The following ABHD18 variants were observed in gnomAD, a reference collection of about 807,000 sequenced individuals.
The protein encoded by ABHD18 is abhydrolase domain containing 18.
A neutral mutation model predicts 65.9 loss-of-function variants in ABHD18; 55 were observed. The ratio of observed to expected loss-of-function variants is 0.84; its 90% CI spans 0.67 to 1.05. ABHD18 has a LOEUF of 1.05. ABHD18 is among the 50% of genes least tolerant of loss of function. ABHD18 has a pLI of 0.00. For synonymous variants in ABHD18, 181 were observed against 180.2 expected, an observed-to-expected ratio of 1.00 and a Z score of -0.04; for missense variants, 533 against 558.5, an observed-to-expected ratio of 0.95 and a Z score of 0.46.
At chr4:128,028,450 G>T in intron 10 of ABHD18, 25 bp from the exon 11 acceptor site, 8 of 1,415,570 alleles carry the variant, frequency 5.7e-6, no homozygotes, top group South Asian at 3.4e-5. Flanking sequence ...ATTAAATAAT[G>T]TTTTCTTTCC....
At position 127,966,702 on chromosome 4, in the gene ABHD18, CAAAAAAAAAAAAAAAAAAAAAAAAAAA is replaced by C. The variant is rs70966065; in HGVS notation, c.-18+1106_-18+1132del. ...TGAAACCCCGTCTCTACTAAAAATA[CAAAAAAAAAAAAAAAAAAAAAAAAAAA>C]AAAAAAAAAGCCGGGCGTGGTGGCG... On this transcript the variant is annotated intron_variant, in intron 1 of 12. Transcript: ENST00000645843. 9.7e-4 allele frequency among the ~76,000 whole-genome samples: 21 copies of C among 21,540 alleles called. 1 individual carries two copies. The highest frequency in any genetic ancestry group is 3.7e-3 in the African/African-American group (21 of 5,640). 14.1% of individuals were successfully genotyped at this position (21,540 alleles called of 152,430 possible). A position where few individuals can be genotyped will look rare whatever the true frequency, so the allele number is the denominator to read the frequency against.
Position 127,976,540 on chromosome 4 carries a change from A to G in ABHD18, c.-17-6399A>G, listed in dbSNP as rs76880266. On this transcript the variant is annotated intron_variant, in intron 1 of 12. Transcript: ENST00000645843. The stretch of plus-strand genomic sequence containing the variant: ...TTTTGCCTCTTGTCCTACAAGGCCT[A>G]TCATATATACTGTTCAGCCTTTTGT... Among the ~76,000 whole-genome samples, 856 of 152,276 alleles carry G rather than the reference A, an allele frequency of 5.6e-3. 11 individuals carry two copies. The highest frequency in any genetic ancestry group is 0.02 in the African/African-American group (827 of 41,564).
chr4:127,990,495 C>T (rs1337378754), intron 4 of ABHD18, among the ~76,000 whole-genome samples: 2 of 151,988 alleles, frequency 1.3e-5, no homozygotes, highest in African/African-American at 2.4e-5. Flanking sequence ...ACCCAGGAGG[C>T]GGAGGTTGCA....
intron 1 of ABHD18, chr4:127,966,022 C>T (rs952897484): frequency 2.6e-5 from 4 of 152,304 alleles, no homozygotes; most frequent in Admixed American, 2.0e-4. Context: ...TGTCACTCAG[C>T]AGAGCCTGCT....
In ABHD18 at chr4:127,972,593, A is replaced by G. The variant is rs1007866242; in HGVS notation, c.-18+6987A>G. 2.9e-5 allele frequency among the ~76,000 whole-genome samples: 4 copies of G among 137,274 alleles called. No individual in the cohort carries two copies. The South Asian group carries it at 9.0e-4, about 31-fold the overall frequency. 90.1% of individuals were successfully genotyped at this position (137,274 alleles called of 152,430 possible). A position where few individuals can be genotyped will look rare whatever the true frequency, so the allele number is the denominator to read the frequency against. On this transcript the variant is annotated intron_variant, in intron 1 of 12. Transcript: ENST00000645843. Reference sequence around the variant, plus strand: ...TAATTTTTGTGTATTTTTAGTAGAGACAGGGTTTCACCATGTTGGCCGGGC... The same window carrying G: ...TAATTTTTGTGTATTTTTAGTAGAGGCAGGGTTTCACCATGTTGGCCGGGC...
Position 128,020,115 on chromosome 4 carries a change from C to CA in ABHD18, c.646dup (p.Met216AsnfsTer23). On this transcript the variant is annotated frameshift_variant, in exon 9 of 13. Coordinates refer to ENST00000645843, the MANE Select transcript of ABHD18 (RefSeq NM_001358451.3). LOFTEE classifies it high-confidence loss of function. ...TAGCGGTATCCAACTGGCCTAAGCC[C>CA]ATGCCATTGATTCCATGCCTGTCTT... 6.2e-7 allele frequency: 1 copy of CA among 1,613,630 alleles called. No homozygotes were observed. Among genetic ancestry groups the CA allele is most frequent in the Middle Eastern group, 1.7e-4 (1 of 6,060 alleles).
At chr4:128,026,016 T>A (rs564583508) in intron 10 of ABHD18, among the ~76,000 whole-genome samples, 185 of 151,992 alleles carry the variant, frequency 1.2e-3, no homozygotes, top group African/African-American at 4.3e-3. Flanking sequence ...TGGCCGGGCA[T>A]GGTGGCTCAC....
chr4:128,017,133 G>T (rs1659602003), intron 7 of ABHD18, among the ~76,000 whole-genome samples: 1 of 152,110 alleles, frequency 6.6e-6, no homozygotes, highest in Non-Finnish European at 1.5e-5. Context: ...GCCCAGGCTT[G>T]TCTTGAACTC....
chr4:128,015,468 G>C (rs954280839), intron 7 of ABHD18, among the ~76,000 whole-genome samples: 1 of 152,024 alleles, frequency 6.6e-6, no homozygotes, highest in African/African-American at 2.4e-5. Flanking sequence ...CCCATACAAG[G>C]CTAAAAGAAA....
chr4:127,984,472 A>G, intron 3 of ABHD18, 49 bp downstream of exon 3: 1 of 1,103,910 alleles, frequency 9.1e-7, no homozygotes, highest in Non-Finnish European at 1.3e-6. Flanking sequence ...TTTGACATAA[A>G]TATGTCTAAG....
chr4:128,024,474 A>G (rs1414319986), intron 10 of ABHD18, among the ~76,000 whole-genome samples: 1 of 152,192 alleles, frequency 6.6e-6, no homozygotes, highest in Non-Finnish European at 1.5e-5. Context: ...GAACCAGTTC[A>G]CAATAACGAA....
Position 128,017,374 on chromosome 4 carries a change from T to TA in ABHD18, c.488dup (p.Asn163LysfsTer52), listed in dbSNP as rs750993720. ...TTTTGTGAGGCTAGAAGGTCCAGCT[T>TA]AAAAAATGTGTCCGACCTTTTTGTG... is the stretch of plus-strand genomic sequence containing the variant. On this transcript the variant is annotated frameshift_variant, in exon 8 of 13. Transcript: ENST00000645843. LOFTEE classifies it high-confidence loss of function. 3.7e-6 allele frequency: 6 copies of TA among 1,613,336 alleles called. No homozygotes were observed. The East Asian group carries it at 8.9e-5, about 24-fold the overall frequency.
chr4:127,967,587 C>A (rs1336048433), intron 1 of ABHD18, among the ~76,000 whole-genome samples: 1 of 152,024 alleles, frequency 6.6e-6, no homozygotes, highest in Non-Finnish European at 1.5e-5. Flanking sequence ...AATCCCAGCC[C>A]TCTGACACTG....
intron 4 of ABHD18, among the ~76,000 whole-genome samples, chr4:128,008,591 A>G (rs1423976368): frequency 6.6e-6 from 1 of 151,982 alleles, no homozygotes; most frequent in African/African-American, 2.4e-5. Context: ...TACTTCTTTT[A>G]AGACTTACTC....
chr4:128,021,050 A>G (rs1452324686), intron 9 of ABHD18, 87 bp from the exon 10 acceptor site: 13 of 692,388 alleles, frequency 1.9e-5, no homozygotes, highest in Non-Finnish European at 2.5e-5. Flanking sequence ...AAAAAAAAAA[A>G]GGTAGTCTCA....
At chr4:127,990,131 G>A (rs1349017997) in intron 4 of ABHD18, among the ~76,000 whole-genome samples, 2 of 152,138 alleles carry the variant, frequency 1.3e-5, no homozygotes, top group Non-Finnish European at 2.9e-5. Context: ...AGTTTAAGAA[G>A]ATAATACAAA....
chr4:128,030,071 C>T (rs987114518), intron 11 of ABHD18, among the ~76,000 whole-genome samples: 1 of 152,174 alleles, frequency 6.6e-6, no homozygotes, highest in African/African-American at 2.4e-5. Flanking sequence ...GGGAGGATCA[C>T]TTGAGCCCAG....
At chr4:127,989,641 CTT>C in intron 3 of ABHD18, 78 bp from the exon 4 acceptor site, 1 of 912,608 alleles carries the variant, frequency 1.1e-6, no homozygotes, top group Non-Finnish European at 1.6e-6. Context: ...TTGGATAGAA[CTT>C]TTTATTAGAA....
intron 6 of ABHD18, chr4:128,009,631 G>A (rs1754195013): frequency 6.5e-6 from 1 of 154,866 alleles, no homozygotes; most frequent in South Asian, 2.0e-4. Flanking sequence ...GGTAATAAAT[G>A]TAGAGTTAAA....
Sources: allele counts gnomAD v4.1 joint callset (sites outside exome capture counted in the v4.1 genomes callset), GRCh38; gene constraint gnomAD v4.1.1; transcripts MANE v1.5; gene names NCBI Gene and HGNC (gene_info 2026-07-23, HGNC 2026-07-21).